The following ZNF254 variants were observed in gnomAD, a reference collection of about 807,000 sequenced individuals.
ZNF254 encodes the protein CTD-2017D11.1.
ZNF254 carries 10 observed loss-of-function variants against 12.4 expected under a neutral mutation model. The observed-to-expected ratio is 0.80, with a 90% confidence interval of 0.50 to 1.36. The LOEUF (loss-of-function observed/expected upper bound fraction) is 1.36, where lower values mean the gene tolerates loss of function less well. Among genes scored for constraint, ZNF254 ranks in the 40% most tolerant of loss-of-function variants. The probability of loss-of-function intolerance (pLI) is 0.00; values close to 1 mark genes in which losing one functional copy is unlikely to be tolerated. For synonymous variants in ZNF254, 305 were observed against 253.4 expected, an observed-to-expected ratio of 1.20 and a Z score of -1.93; for missense variants, 996 against 763.9, an observed-to-expected ratio of 1.30 and a Z score of -3.58.
rs1362213361 is a variant in ZNF254, at chr19:24,129,449, G to A, written c.*1469G>A. ...ACAATACACTATTTGGTAAGATAAT[G>A]TACTGACATCTCTAGCAATCTTTTT... On this transcript the variant is annotated 3_prime_UTR_variant, in exon 4 of 4. Coordinates refer to ENST00000357002, the MANE Select transcript of ZNF254 (RefSeq NM_203282.4). The A allele has an allele frequency of 1.3e-5, 2 of 152,000 alleles. No homozygotes were observed. The highest frequency in any genetic ancestry group is 2.1e-4 in the South Asian group (1 of 4,830). The allele number at this position is 152,000 out of a possible 1,614,324, so 9.4% of individuals were successfully genotyped here. A position where few individuals can be genotyped will look rare whatever the true frequency, so the allele number is the denominator to read the frequency against.
chr19:24,125,222 C>CTT (rs764449404), intron 3 of ZNF254, among the ~76,000 whole-genome samples: 141 of 130,754 alleles, frequency 1.1e-3, no homozygotes, highest in African/African-American at 3.4e-3. Context: ...ATTTTTACAT[C>CTT]TTTTTTTTTT....
chr19:24,127,501 C>T lies in ZNF254; in HGVS notation c.1501C>T (p.Gln501Ter), dbSNP rs1417647541. Residue 501 changes from glutamine (Q) to a stop codon, truncating the protein, a stop_gained, in exon 4 of 4, where the codon CAA (glutamine) becomes TAA (stop). Transcript: ENST00000357002. LOFTEE classifies it low-confidence loss of function (END_TRUNC). ...TGAAGAATGTGGCAAATCTTTTAGC[C>T]AATCCTCAACCCTTACTACACATAA... The part of the protein sequence containing the change: ...KCEECGKSFS[Q>*]SSTLTTHKII... 1 of 1,612,018 alleles carries T rather than the reference C, an allele frequency of 6.2e-7. No homozygotes were observed. The highest frequency in any genetic ancestry group is 8.5e-7 in the Non-Finnish European group (1 of 1,179,490).
At chr19:24,083,430 C>T (rs61311859), upstream of ZNF254, among the ~76,000 whole-genome samples, 21,761 of 151,992 alleles carry the variant, frequency 0.14, 2,532 homozygotes, top group African/African-American at 0.32. Context: ...ATGAAAATAA[C>T]ATCATAATTT....
chr19:24,104,506 C>G (rs1054500195), intron 1 of ZNF254: 13 of 152,112 alleles, frequency 8.5e-5, no homozygotes, highest in Non-Finnish European at 1.8e-4. Flanking sequence ...GAATGCCTTG[C>G]ATTTAGTACT....
chr19:24,094,917 C>A (rs536009951), intron 1 of ZNF254, among the ~76,000 whole-genome samples: 27 of 151,926 alleles, frequency 1.8e-4, no homozygotes, highest in Non-Finnish European at 3.1e-4. Flanking sequence ...AAAATCCTGA[C>A]CTCAGGGGAT....
intron 2 of ZNF254, among the ~76,000 whole-genome samples, chr19:24,081,958 A>C (rs1305266224): frequency 6.6e-6 from 1 of 152,068 alleles, no homozygotes; most frequent in Non-Finnish European, 1.5e-5. Context: ...CCCCGTCTCT[A>C]CTAAAAATAC....
At chr19:24,042,747 C>A (rs959635579) in intron 1 of ZNF254, among the ~76,000 whole-genome samples, 7 of 152,188 alleles carry the variant, frequency 4.6e-5, no homozygotes, top group African/African-American at 1.4e-4. Flanking sequence ...TGATTAGATT[C>A]AGATTAGTAT....
chr19:24,085,427 A>ATATATATATATATATATATATGT (rs1369362234), upstream of ZNF254, among the ~76,000 whole-genome samples: 1,913 of 42,338 alleles, frequency 0.045, 168 homozygotes, highest in Non-Finnish European at 0.068. Flanking sequence ...TATATATATA[A>ATATATATATATATATATATATGT]AAACTAAGAT....
chr19:24,080,484 A>C (rs552498844), intron 2 of ZNF254: 1 of 152,328 alleles, frequency 6.6e-6, no homozygotes, highest in South Asian at 2.1e-4. Flanking sequence ...TTTCCATCAG[A>C]CAACTAGCCA....
chr19:24,107,177 G>GA lies in ZNF254; in HGVS notation c.253+535dup, dbSNP rs1018498514. 4 of 619,658 alleles carry GA rather than the reference G, an allele frequency of 6.5e-6. No homozygotes were observed. The African/African-American group carries it at 7.7e-5, about 12-fold the overall frequency. 38.4% of individuals were successfully genotyped at this position (619,658 alleles called of 1,614,324 possible). ...TGTTCTTTTTCCTCAAGATTGCTTT[G>GA]ACTATTCAAAGTTTATTGTAGTTTC... On this transcript the variant is annotated intron_variant, in intron 3 of 3. Coordinates refer to ENST00000357002, the MANE Select transcript of ZNF254 (RefSeq NM_203282.4).
At chr19:24,095,727 C>T (rs1242118366) in intron 1 of ZNF254, among the ~76,000 whole-genome samples, 1 of 151,796 alleles carries the variant, frequency 6.6e-6, no homozygotes, top group Non-Finnish European at 1.5e-5. Flanking sequence ...GGTAATGTCT[C>T]TTTTGTTATT....
intron 1 of ZNF254, among the ~76,000 whole-genome samples, chr19:24,038,795 TAC>T (rs1970055560): frequency 6.6e-6 from 1 of 152,206 alleles, no homozygotes; most frequent in Non-Finnish European, 1.5e-5. Flanking sequence ...ACCAGATTTC[TAC>T]GAAAATTACT....
chr19:24,065,591 A>C (rs1217092940), intron 2 of ZNF254: 1 of 152,272 alleles, frequency 6.6e-6, no homozygotes, highest in South Asian at 2.1e-4. Context: ...TGATTGTTAC[A>C]TATGCCTATG....
chr19:24,048,003 C>CTTTTTTT (rs398034320), intron 2 of ZNF254, among the ~76,000 whole-genome samples: 772 of 68,786 alleles, frequency 0.011, 51 homozygotes, highest in Middle Eastern at 0.025. Context: ...TTCTTTTCTT[C>CTTTTTTT]TTTTTTTTTT....
chr19:24,048,713 T>G (rs1045588434), intron 2 of ZNF254, among the ~76,000 whole-genome samples: 3 of 151,924 alleles, frequency 2.0e-5, no homozygotes, highest in East Asian at 3.9e-4. Flanking sequence ...TTTTTCCCTC[T>G]CTCTCTCATG....
chr19:24,050,450 G>T (rs1274594988), intron 2 of ZNF254, among the ~76,000 whole-genome samples: 1 of 152,154 alleles, frequency 6.6e-6, no homozygotes, highest in Non-Finnish European at 1.5e-5. Context: ...GTGAACCATT[G>T]CTCTTGGCAC....
chr19:24,120,139 A>C, intron 3 of ZNF254, among the ~76,000 whole-genome samples: 1 of 152,230 alleles, frequency 6.6e-6, no homozygotes, highest in South Asian at 2.1e-4. Flanking sequence ...TGGCAGACAA[A>C]AGAAAGAGCT....
At chr19:24,060,050 T>C (rs546310869) in intron 2 of ZNF254, among the ~76,000 whole-genome samples, 1 of 152,290 alleles carries the variant, frequency 6.6e-6, no homozygotes, top group East Asian at 1.9e-4. Flanking sequence ...GCCTGAGCCT[T>C]GCCCACAGGA....
intron 1 of ZNF254, among the ~76,000 whole-genome samples, chr19:24,042,606 C>G (rs971379388): frequency 1.6e-4 from 24 of 152,252 alleles, no homozygotes; most frequent in Admixed American, 2.6e-4. Flanking sequence ...AGACTCCAGA[C>G]GCGCCACCTT....
Sources: allele counts gnomAD v4.1 joint callset (sites outside exome capture counted in the v4.1 genomes callset), GRCh38; gene constraint gnomAD v4.1.1; transcripts MANE v1.5; gene names NCBI Gene and HGNC (gene_info 2026-07-23, HGNC 2026-07-21).